Variants in GRK3 observed in about 807,000 individuals in gnomAD.
GRK3 encodes the protein adrenergic, beta, receptor kinase 2.
A neutral mutation model predicts 95.7 loss-of-function variants in GRK3; 54 were observed. That is an observed-to-expected ratio of 0.56 (90% confidence interval 0.45 to 0.71). The LOEUF is 0.71. Ranked by LOEUF, GRK3 falls within the 30% of genes least tolerant of loss-of-function variation. The probability of loss-of-function intolerance (pLI) is 0.00; values close to 1 mark genes in which losing one functional copy is unlikely to be tolerated. For synonymous variants in GRK3, 281 were observed against 290.8 expected (o/e 0.97, Z 0.34); for missense variants, 649 against 851.2 (o/e 0.76, Z 2.96).
chr22:25,622,238 A>G (rs1569167623), intron 2 of GRK3, among the ~76,000 whole-genome samples: 1 of 152,190 alleles, frequency 6.6e-6, no homozygotes, highest in Non-Finnish European at 1.5e-5. Context: ...GTGAGTTGGT[A>G]GAACCATGCA....
At chr22:25,653,729 T>G (rs2084850426) in intron 3 of GRK3, among the ~76,000 whole-genome samples, 1 of 152,234 alleles carries the variant, frequency 6.6e-6, no homozygotes, top group Non-Finnish European at 1.5e-5. Context: ...AATCTTGCTC[T>G]GTTGCCCAGG....
chr22:25,648,056 C>T, intron 3 of GRK3: 1 of 520,150 alleles, frequency 1.9e-6, no homozygotes, highest in Non-Finnish European at 3.5e-6. Context: ...GCGGAGGTTG[C>T]AGTGAGCTGA....
At position 25,714,568 on chromosome 22, in the gene GRK3, A is replaced by G; in HGVS notation, c.1652A>G (p.Glu551Gly). 3 of 1,590,888 alleles carry G rather than the reference A, an allele frequency of 1.9e-6. No individual in the cohort carries two copies. The highest frequency in any genetic ancestry group is 2.6e-6 in the Non-Finnish European group (3 of 1,172,194). The change falls in exon 18 of 21, where the codon GAA becomes GGA. Residue 551 changes from glutamate (E) to glycine (G), a missense_variant and splice_region_variant. By Grantham distance (98) the Glu-to-Gly change is moderately conservative (BLOSUM62 -2). Coordinates refer to ENST00000324198, the MANE Select transcript of GRK3 (RefSeq NM_005160.4). ...AAAAATAAGCAACTTGGCCACGAAG[A>G]AGGTAAAATAGCTCACGTGTCTCAA... is the stretch of plus-strand genomic sequence containing the variant. ...RAKNKQLGHE[E>G]DYALGKDCIM...
chr22:25,652,262 G>C (rs1344056642), intron 3 of GRK3, among the ~76,000 whole-genome samples: 1 of 151,940 alleles, frequency 6.6e-6, no homozygotes, highest in East Asian at 1.9e-4. Context: ...GTGAAACTCT[G>C]TCTCTACTAA....
chr22:25,709,889 C>T lies in GRK3; in HGVS notation c.1329-9C>T, dbSNP rs766957302. 9.3e-6 allele frequency: 15 copies of T among 1,608,712 alleles called. No individual in the cohort carries two copies. Among genetic ancestry groups the T allele is most frequent in the Admixed American group, 1.7e-5 (1 of 59,974 alleles). ...ATACTCAGCACTGTTATGACTCTTT[C>T]TCCTCCAGCTCACAGGAAGTAAAAG... On this transcript the variant is annotated splice_polypyrimidine_tract_variant and intron_variant, in intron 15 of 20. Transcript: ENST00000324198.
intron 2 of GRK3, among the ~76,000 whole-genome samples, chr22:25,625,547 G>C (rs1018062995): frequency 6.6e-6 from 1 of 152,174 alleles, no homozygotes; most frequent in Non-Finnish European, 1.5e-5. Context: ...TTAGCAGACC[G>C]GGAAAGGGAG....
intron 1 of GRK3, among the ~76,000 whole-genome samples, chr22:25,603,528 T>G (rs1215152876): frequency 6.6e-6 from 1 of 152,214 alleles, no homozygotes; most frequent in Non-Finnish European, 1.5e-5. Flanking sequence ...ATTTTAACTT[T>G]GTAATAAGCC....
intron 5 of GRK3, 111 bp downstream of exon 5, chr22:25,663,815 G>T: frequency 1.4e-6 from 1 of 729,354 alleles, no homozygotes; most frequent in Non-Finnish European, 2.4e-6. Flanking sequence ...TGTAAAGACT[G>T]TGTTCTATTC....
chr22:25,590,617 C>G (rs989260694), intron 1 of GRK3, among the ~76,000 whole-genome samples: 2 of 151,956 alleles, frequency 1.3e-5, no homozygotes, highest in Non-Finnish European at 2.9e-5. Flanking sequence ...GTCAAGAGAT[C>G]GAGACTCTCC....
At chr22:25,717,368 A>G (rs2085395210) in intron 18 of GRK3, among the ~76,000 whole-genome samples, 1 of 151,730 alleles carries the variant, frequency 6.6e-6, no homozygotes, top group Non-Finnish European at 1.5e-5. Context: ...ATCACCACTG[A>G]CCCTCCCTGG....
At chr22:25,599,253 C>A (rs2084392332) in intron 1 of GRK3, among the ~76,000 whole-genome samples, 1 of 152,130 alleles carries the variant, frequency 6.6e-6, no homozygotes, top group South Asian at 2.1e-4. Context: ...AAAGACACCA[C>A]TAAGCAAGTG....
At chr22:25,636,208 G>A (rs1311827694) in intron 2 of GRK3, among the ~76,000 whole-genome samples, 1 of 152,162 alleles carries the variant, frequency 6.6e-6, no homozygotes, top group Non-Finnish European at 1.5e-5. Context: ...TGCTTTTAAT[G>A]GAGAATAGTG....
intron 6 of GRK3, among the ~76,000 whole-genome samples, chr22:25,669,087 A>G: frequency 6.6e-6 from 1 of 152,322 alleles, no homozygotes; most frequent in South Asian, 2.1e-4. Flanking sequence ...ATTAGAAAAA[A>G]GAATTCATGT....
At chr22:25,645,612 C>T (rs920335484) in intron 3 of GRK3, among the ~76,000 whole-genome samples, 2 of 152,136 alleles carry the variant, frequency 1.3e-5, no homozygotes, top group Non-Finnish European at 2.9e-5. Flanking sequence ...ACTCCATAGA[C>T]GGCGTGCCTT....
Position 25,714,226 on chromosome 22 carries a change from G to C in GRK3, c.1492-182G>C, listed in dbSNP as rs1404277327. ...TCAGTTCTGTTTGTGGATGATGATT[G>C]CTTGAGTTGTCATTAGCAGAGATTT... On this transcript the variant is annotated intron_variant, in intron 17 of 20. Coordinates refer to ENST00000324198, the MANE Select transcript of GRK3 (RefSeq NM_005160.4). 5.3e-5 allele frequency among the ~76,000 whole-genome samples: 8 copies of C among 152,202 alleles called. No individual in the cohort carries two copies. In the East Asian group the frequency reaches 1.5e-3, roughly 29 times the overall value.
chr22:25,634,674 G>A (rs1361272260), intron 2 of GRK3, among the ~76,000 whole-genome samples: 1 of 152,126 alleles, frequency 6.6e-6, no homozygotes, highest in Non-Finnish European at 1.5e-5. Flanking sequence ...GATTTAAAGT[G>A]CTGTAAGTTT....
At chr22:25,695,252 G>GGA in intron 13 of GRK3, 38 bp downstream of exon 13, 11 of 1,402,844 alleles carry the variant, frequency 7.8e-6, no homozygotes, top group Non-Finnish European at 1.0e-5. Context: ...TGTCCTCATG[G>GGA]CAGCAGGAGC....
chr22:25,669,571 C>T (rs1487980830), intron 6 of GRK3, among the ~76,000 whole-genome samples: 2 of 152,168 alleles, frequency 1.3e-5, no homozygotes, highest in African/African-American at 4.8e-5. Context: ...TACCTGAAGC[C>T]CTATCATTGT....
chr22:25,647,352 G>A (rs185664750), intron 3 of GRK3: 5 of 1,283,998 alleles, frequency 3.9e-6, no homozygotes, highest in Non-Finnish European at 5.7e-6. Context: ...GTGAGCCATG[G>A]GAGCAGAACC....
Sources: gnomAD v4.1 joint callset for allele counts (sites outside exome capture counted in the v4.1 genomes callset) on GRCh38, gnomAD v4.1.1 for gene constraint, MANE v1.5 for transcripts, NCBI Gene and HGNC (gene_info 2026-07-23, HGNC 2026-07-21) for gene names.